PRKACB: variants seen among roughly 807,000 people sequenced by gnomAD.
PRKACB encodes the protein protein kinase cAMP-activated catalytic subunit beta, also known as cAMP-dependent protein kinase catalytic subunit beta.
PRKACB carries 16 observed loss-of-function variants against 51.4 expected under a neutral mutation model. The ratio of observed to expected loss-of-function variants is 0.31; its 90% CI spans 0.21 to 0.47. The LOEUF (loss-of-function observed/expected upper bound fraction) is 0.47, where lower values mean the gene tolerates loss of function less well. Among genes scored for constraint, PRKACB ranks in the 20% least tolerant of loss-of-function variants. PRKACB has a pLI of 1.00. For missense variants in PRKACB, 309 were observed against 464.5 expected (o/e 0.67, Z 3.08); for synonymous variants, 147 against 154.4 (o/e 0.95, Z 0.35).
chr1:84,179,263 A>C lies in PRKACB; in HGVS notation c.249+25A>C, dbSNP rs3729865. ...GGTAAGGAATATTTAGATTTTTCTAAAATTAAAAATCTTGTATTAATAAAA... is the reference window on the plus strand; with the variant it reads ...GGTAAGGAATATTTAGATTTTTCTACAATTAAAAATCTTGTATTAATAAAA... On this transcript the variant is annotated intron_variant, in intron 2 of 9. Transcript: ENST00000370685. The C allele has an allele frequency of 6.4e-3, 9,736 of 1,532,052 alleles. 403 individuals carry two copies. The African/African-American group carries it at 0.095, about 15-fold the overall frequency. 94.9% of individuals were successfully genotyped at this position (1,532,052 alleles called of 1,614,324 possible). A position where few individuals can be genotyped will look rare whatever the true frequency, so the allele number is the denominator to read the frequency against.
intron 1 of PRKACB, chr1:84,086,104 C>G: frequency 2.0e-6 from 3 of 1,484,030 alleles, no homozygotes; most frequent in Non-Finnish European, 2.8e-6. Context: ...ACACAGACCT[C>G]GCCATTGAGT....
rs2101742655 is a variant in PRKACB at position 84,237,164 on chromosome 1, T to A, written c.*1859T>A. ...TAAAACGTGCAAGAAAAAAATAAAA[T>A]ACTCTGCTCTAGCAAGTTTTGTGTA... On this transcript the variant is annotated 3_prime_UTR_variant, in exon 10 of 10. Coordinates refer to ENST00000370685, the MANE Select transcript of PRKACB (RefSeq NM_182948.4). 1 of 152,730 alleles carries A rather than the reference T, an allele frequency of 6.5e-6. No individual in the cohort carries two copies. The highest frequency in any genetic ancestry group is 2.1e-4 in the South Asian group (1 of 4,832). 9.5% of individuals were successfully genotyped at this position (152,730 alleles called of 1,614,324 possible).
intron 1 of PRKACB, among the ~76,000 whole-genome samples, chr1:84,136,490 C>CCACA (rs60681226): frequency 0.019 from 2,734 of 146,704 alleles, 53 homozygotes; most frequent in African/African-American, 0.045. Flanking sequence ...ACGGCCAAAA[C>CCACA]CACACACACA....
intron 4 of PRKACB, 127 bp downstream of exon 4, chr1:84,184,262 A>C (rs926534648): frequency 1.4e-6 from 1 of 733,440 alleles, no homozygotes; most frequent in African/African-American, 1.8e-5. Flanking sequence ...ATACCTCTAG[A>C]GTTTGTGTAA....
At chr1:84,090,941 T>C (rs1648413861) in intron 1 of PRKACB, among the ~76,000 whole-genome samples, 1 of 152,176 alleles carries the variant, frequency 6.6e-6, no homozygotes, top group South Asian at 2.1e-4. Context: ...CAACCCCTCC[T>C]GCTTTCCCAG....
At chr1:84,228,112 C>T (rs1233134733) in intron 9 of PRKACB, among the ~76,000 whole-genome samples, 1 of 151,894 alleles carries the variant, frequency 6.6e-6, no homozygotes, top group Non-Finnish European at 1.5e-5. Flanking sequence ...GCAACCAGCT[C>T]TCAAACAAAA....
chr1:84,217,807 A>C (rs1673093610), intron 9 of PRKACB, among the ~76,000 whole-genome samples: 2 of 152,100 alleles, frequency 1.3e-5, no homozygotes, highest in African/African-American at 2.4e-5. Context: ...AAGAAGAAAA[A>C]AACCCTACTC....
chr1:84,216,633 T>C (rs932354270), intron 9 of PRKACB, among the ~76,000 whole-genome samples: 1 of 152,204 alleles, frequency 6.6e-6, no homozygotes, highest in African/African-American at 2.4e-5. Context: ...ACCAATGCAA[T>C]ACTGTATAAT....
chr1:84,199,247 A>G (rs1030352469), intron 7 of PRKACB, among the ~76,000 whole-genome samples: 1 of 151,460 alleles, frequency 6.6e-6, no homozygotes, highest in African/African-American at 2.4e-5. Flanking sequence ...TTATTTCATC[A>G]CTCAGGAATT....
chr1:84,230,102 T>C (rs1165115609), intron 9 of PRKACB, among the ~76,000 whole-genome samples: 5 of 152,114 alleles, frequency 3.3e-5, no homozygotes, highest in Non-Finnish European at 5.9e-5. Flanking sequence ...CTTGAATTGA[T>C]TTTTGTATAA....
chr1:84,228,925 A>G (rs923375500), intron 9 of PRKACB, among the ~76,000 whole-genome samples: 1 of 151,482 alleles, frequency 6.6e-6, no homozygotes, highest in Non-Finnish European at 1.5e-5. Flanking sequence ...TATCCCAGAA[A>G]TTTCTTTTTT....
chr1:84,235,398 C>A lies in PRKACB; in HGVS notation c.*93C>A. On this transcript the variant is annotated 3_prime_UTR_variant, in exon 10 of 10. Coordinates refer to ENST00000370685, the MANE Select transcript of PRKACB (RefSeq NM_182948.4). The stretch of plus-strand genomic sequence containing the variant: ...GAGACCGTCCTTGTTGAAGCAGTTA[C>A]CTAGTTCCTTCATTCCAACGACTGA... 7.9e-6 allele frequency: 12 copies of A among 1,527,698 alleles called. No individual in the cohort carries two copies. The South Asian group carries it at 1.4e-4, about 18-fold the overall frequency. 94.6% of individuals were successfully genotyped at this position (1,527,698 alleles called of 1,614,324 possible). A position where few individuals can be genotyped will look rare whatever the true frequency, so the allele number is the denominator to read the frequency against.
intron 1 of PRKACB, among the ~76,000 whole-genome samples, chr1:84,151,877 T>C (rs1654894131): frequency 1.3e-5 from 2 of 152,194 alleles, no homozygotes; most frequent in Admixed American, 1.3e-4. Context: ...AAACAACTTC[T>C]TCCAAACTCC....
chr1:84,112,989 AG>A (rs1650355501), intron 1 of PRKACB, among the ~76,000 whole-genome samples: 1 of 152,222 alleles, frequency 6.6e-6, no homozygotes, highest in Non-Finnish European at 1.5e-5. Flanking sequence ...CAGAATAAAG[AG>A]CATTTTATAA....
At chr1:84,175,427 C>T (rs1365400888) in intron 1 of PRKACB, among the ~76,000 whole-genome samples, 2 of 151,606 alleles carry the variant, frequency 1.3e-5, no homozygotes, top group Non-Finnish European at 3.0e-5. Context: ...TATACTGTGA[C>T]TAACAACATA....
chr1:84,121,555 A>T (rs1229615529), intron 1 of PRKACB, among the ~76,000 whole-genome samples: 2 of 152,102 alleles, frequency 1.3e-5, no homozygotes, highest in Non-Finnish European at 2.9e-5. Flanking sequence ...CTCCATTAGC[A>T]CCTGACATAA....
chr1:84,158,150 C>T (rs1259389282), intron 1 of PRKACB, among the ~76,000 whole-genome samples: 4 of 151,820 alleles, frequency 2.6e-5, no homozygotes, highest in African/African-American at 9.7e-5. Flanking sequence ...AGTGATTCTC[C>T]TGTCTCAGTC....
chr1:84,179,124 C>G (rs765928648), intron 1 of PRKACB, 53 bp from the exon 2 acceptor site: 4 of 1,466,600 alleles, frequency 2.7e-6, no homozygotes, highest in Non-Finnish European at 3.7e-6. Context: ...TATTCTTATA[C>G]AGAATATAAA....
intron 1 of PRKACB, among the ~76,000 whole-genome samples, chr1:84,096,043 C>T (rs1648901931): frequency 6.6e-6 from 1 of 151,888 alleles, no homozygotes; most frequent in Admixed American, 6.6e-5. Context: ...TGTTATATTT[C>T]TTAAGAGAGG....
Sources: allele counts gnomAD v4.1 joint callset (sites outside exome capture counted in the v4.1 genomes callset), GRCh38; gene constraint gnomAD v4.1.1; transcripts MANE v1.5; gene names NCBI Gene and HGNC (gene_info 2026-07-23, HGNC 2026-07-21).